The following PCSK5 variants were observed in gnomAD, a reference collection of about 807,000 sequenced individuals.
The protein encoded by PCSK5 is proprotein convertase subtilisin/kexin type 5.
In PCSK5, 129 loss-of-function variants were observed where a neutral mutation model predicts 233.2. That is an observed-to-expected ratio of 0.55 (90% CI 0.48 to 0.64). The LOEUF (loss-of-function observed/expected upper bound fraction) is 0.64. PCSK5 is among the 30% of genes least tolerant of loss of function. The pLI, the probability that PCSK5 is intolerant of heterozygous loss-of-function variation, is 0.00. For synonymous variants in PCSK5, 825 were observed against 879.2 expected (o/e 0.94, Z 1.09); for missense variants, 2,076 against 2,430.1 (o/e 0.85, Z 3.06).
chr9:76,239,779 TA>T (rs1191490261), intron 23 of PCSK5, among the ~76,000 whole-genome samples: 1 of 151,016 alleles, frequency 6.6e-6, no homozygotes, highest in African/African-American at 2.4e-5. Flanking sequence ...GGACAGGATA[TA>T]GGTGAGAGAA....
intron 15 of PCSK5, among the ~76,000 whole-genome samples, chr9:76,179,940 G>T (rs1304695754): frequency 6.6e-6 from 1 of 150,980 alleles, no homozygotes; most frequent in East Asian, 1.9e-4. Flanking sequence ...AACTGCAAAT[G>T]TCTTCTCTCA....
Position 76,240,571 on chromosome 9 carries a change from A to G in PCSK5, c.3074-45A>G, listed in dbSNP as rs754104077. 1.5e-5 allele frequency: 20 copies of G among 1,301,794 alleles called. No individual in the cohort carries two copies. The African/African-American group carries it at 1.9e-4, about 12-fold the overall frequency. The allele number at this position is 1,301,794 out of a possible 1,614,324, so 80.6% of individuals were successfully genotyped here. On this transcript the variant is annotated intron_variant, in intron 23 of 37. Coordinates refer to ENST00000674117, the MANE Select transcript of PCSK5 (RefSeq NM_001372043.1). Reference sequence around the variant, plus strand: ...TTTTTGTAGCAATTAACGTGTCTCCACTCAATGGAAATGAGTTGTGTTTTT... The same window carrying G: ...TTTTTGTAGCAATTAACGTGTCTCCGCTCAATGGAAATGAGTTGTGTTTTT...
At chr9:76,013,899 G>A (rs535786503) in intron 3 of PCSK5, among the ~76,000 whole-genome samples, 1 of 150,576 alleles carries the variant, frequency 6.6e-6, no homozygotes, top group East Asian at 1.9e-4. Context: ...GACCCTGTAT[G>A]TCTCCAACAT....
At chr9:76,329,920 G>A (rs890794014) in intron 33 of PCSK5, among the ~76,000 whole-genome samples, 14 of 152,100 alleles carry the variant, frequency 9.2e-5, no homozygotes, top group Non-Finnish European at 1.9e-4. Flanking sequence ...TGCAGAGTGT[G>A]CATGCTTGGC....
chr9:75,911,775 C>T (rs1049033263), intron 1 of PCSK5, among the ~76,000 whole-genome samples: 5 of 152,092 alleles, frequency 3.3e-5, no homozygotes, highest in Non-Finnish European at 7.4e-5. Flanking sequence ...TCTCATTATT[C>T]AGCAGGCTAG....
At chr9:76,335,218 G>C (rs192280140) in intron 34 of PCSK5, among the ~76,000 whole-genome samples, 1 of 152,150 alleles carries the variant, frequency 6.6e-6, no homozygotes, top group Non-Finnish European at 1.5e-5. Context: ...ACACAAAAAG[G>C]GTGCTTGATC....
At chr9:76,108,277 C>G (rs1832059114) in intron 9 of PCSK5, among the ~76,000 whole-genome samples, 1 of 152,192 alleles carries the variant, frequency 6.6e-6, no homozygotes, top group South Asian at 2.1e-4. Flanking sequence ...GAGGTTCTCC[C>G]TGCAGGAGGA....
chr9:76,266,591 G>A (rs1384842089), intron 24 of PCSK5, among the ~76,000 whole-genome samples: 1 of 152,154 alleles, frequency 6.6e-6, no homozygotes, highest in Admixed American at 6.5e-5. Context: ...CTGTGATCAA[G>A]CTCATCTCTC....
intron 1 of PCSK5, among the ~76,000 whole-genome samples, chr9:75,892,747 G>A (rs1449833403): frequency 6.6e-6 from 1 of 152,238 alleles, no homozygotes; most frequent in East Asian, 1.9e-4. Context: ...TTTAGAAGGA[G>A]CTGGGGAGTG....
chr9:75,966,614 G>A (rs1453484180), intron 2 of PCSK5, among the ~76,000 whole-genome samples: 1 of 152,122 alleles, frequency 6.6e-6, no homozygotes, highest in Non-Finnish European at 1.5e-5. Context: ...ACCTACCCAT[G>A]TTTTCACTTC....
intron 6 of PCSK5, among the ~76,000 whole-genome samples, chr9:76,068,444 T>A (rs1478445290): frequency 6.6e-6 from 1 of 152,124 alleles, no homozygotes; most frequent in Non-Finnish European, 1.5e-5. Flanking sequence ...AAAATCCTGG[T>A]TTTTTGTTTT....
chr9:76,046,160 G>GTT lies in PCSK5; in HGVS notation c.632+19157_632+19158dup, dbSNP rs71372041. On this transcript the variant is annotated intron_variant, in intron 5 of 37. Transcript: ENST00000674117. ...GCATTAACACATAATTTTTTCTTTT[G>GTT]TTTTTTTTTTTTTTTTTTTTTTTTT... Among the ~76,000 whole-genome samples the GTT allele has an allele frequency of 6.4e-3, 371 of 58,022 alleles. 63 individuals carry two copies. The highest frequency in any genetic ancestry group is 0.018 in the Middle Eastern group (1 of 56). The allele number at this position is 58,022 out of a possible 152,430, so 38.1% of individuals were successfully genotyped here.
chr9:76,194,492 C>T (rs1024426547), intron 20 of PCSK5: 2 of 153,590 alleles, frequency 1.3e-5, no homozygotes, highest in Admixed American at 6.5e-5. Context: ...ATATGGGTGG[C>T]ATGATTGTAC....
At chr9:76,194,331 T>C (rs563768771) in intron 20 of PCSK5, 1 of 152,368 alleles carries the variant, frequency 6.6e-6, no homozygotes, top group East Asian at 1.9e-4. Flanking sequence ...GAGTCAAAAG[T>C]TCCCAAGAGG....
chr9:75,906,233 A>ATT (rs879475257), intron 1 of PCSK5, among the ~76,000 whole-genome samples: 2 of 149,444 alleles, frequency 1.3e-5, no homozygotes, highest in East Asian at 3.9e-4. Flanking sequence ...GCAGATACCT[A>ATT]TTTTTTTTTT....
intron 16 of PCSK5, among the ~76,000 whole-genome samples, chr9:76,183,502 G>A (rs1488101295): frequency 1.3e-5 from 2 of 152,178 alleles, no homozygotes; most frequent in Non-Finnish European, 2.9e-5. Context: ...AGAGAGGTGG[G>A]TAACATTGTA....
intron 5 of PCSK5, among the ~76,000 whole-genome samples, chr9:76,057,335 C>T (rs761996422): frequency 1.5e-4 from 23 of 151,858 alleles, no homozygotes; most frequent in Non-Finnish European, 3.4e-4. Flanking sequence ...TGTTTTAAAT[C>T]CATGTGAAAA....
At position 76,310,856 on chromosome 9, in the gene PCSK5, G is replaced by A; in HGVS notation, c.3884+5G>A. ...GTGCTACTCCAAGTGCCCGGAGTAA[G>A]TTTCCTTTTTAATTTTACTTCCTGC... On this transcript the variant is annotated splice_donor_5th_base_variant and intron_variant, in intron 30 of 37. Transcript: ENST00000674117. 6.4e-7 allele frequency: 1 copy of A among 1,560,150 alleles called. No homozygotes were observed. The highest frequency in any genetic ancestry group is 8.7e-7 in the Non-Finnish European group (1 of 1,153,726).
intron 34 of PCSK5, among the ~76,000 whole-genome samples, chr9:76,334,533 C>G (rs1587345032): frequency 6.6e-6 from 1 of 152,106 alleles, no homozygotes. Context: ...GAGTTTGAGA[C>G]CAGCCTGGCC....
Sources: allele counts gnomAD v4.1 joint callset (sites outside exome capture counted in the v4.1 genomes callset), GRCh38; gene constraint gnomAD v4.1.1; transcripts MANE v1.5; gene names NCBI Gene and HGNC (gene_info 2026-07-23, HGNC 2026-07-21).